Variants in CCDC30 observed in about 807,000 individuals in gnomAD.
CCDC30 encodes the protein coiled-coil domain-containing protein 30.
In CCDC30, 70 loss-of-function variants were observed where a neutral mutation model predicts 100.2. That is an observed-to-expected ratio of 0.70 (90% CI 0.58 to 0.85). CCDC30 has a LOEUF of 0.85. CCDC30 is among the 40% of genes least tolerant of loss of function. The probability of loss-of-function intolerance (pLI) is 0.00; values close to 1 mark genes in which losing one functional copy is unlikely to be tolerated. For missense variants in CCDC30, 652 were observed against 771.2 expected, an observed-to-expected ratio of 0.85 and a Z score of 1.83; for synonymous variants, 233 against 269.5, an observed-to-expected ratio of 0.86 and a Z score of 1.33.
chr1:42,629,520 T>G (rs1646994019), intron 11 of CCDC30, among the ~76,000 whole-genome samples: 1 of 152,242 alleles, frequency 6.6e-6, no homozygotes, highest in Non-Finnish European at 1.5e-5. Context: ...TAAATCTTCT[T>G]GTTGTTCTAT....
intron 16 of CCDC30, 92 bp from the exon 21 acceptor site, chr1:42,653,726 T>C (rs1183335286): frequency 3.3e-6 from 3 of 915,056 alleles, no homozygotes; most frequent in East Asian, 2.5e-5. Flanking sequence ...TTGCAAAAAA[T>C]TGAAATTCTA....
intron 10 of CCDC30, chr1:42,590,074 A>T (rs1646154801): frequency 6.6e-6 from 1 of 152,098 alleles, no homozygotes; most frequent in African/African-American, 2.4e-5. Context: ...ACGATAATGA[A>T]TTATTGCGAG....
intron 10 of CCDC30, chr1:42,592,078 T>C (rs1361742356): frequency 6.6e-6 from 1 of 152,228 alleles, no homozygotes; most frequent in Non-Finnish European, 1.5e-5. Context: ...TGACTTATTT[T>C]GATTTTTACA....
At chr1:42,481,911 T>C (rs1643964788) in intron 2 of CCDC30, among the ~76,000 whole-genome samples, 1 of 152,120 alleles carries the variant, frequency 6.6e-6, no homozygotes, top group African/African-American at 2.4e-5. Flanking sequence ...TGGAACACAG[T>C]ACAGCCTTTA....
intron 7 of CCDC30, among the ~76,000 whole-genome samples, chr1:42,569,950 G>A (rs949401704): frequency 3.3e-5 from 5 of 152,034 alleles, no homozygotes; most frequent in Non-Finnish European, 5.9e-5. Context: ...CACAGGGAGC[G>A]GAACATTACA....
At chr1:42,641,787 A>G (rs1247885940) in intron 12 of CCDC30, among the ~76,000 whole-genome samples, 2 of 152,064 alleles carry the variant, frequency 1.3e-5, no homozygotes, top group African/African-American at 4.8e-5. Flanking sequence ...CCTGAGAGGC[A>G]GAGGTTGTAG....
intron 3 of CCDC30, among the ~76,000 whole-genome samples, chr1:42,485,659 G>A (rs10890198): frequency 0.38 from 57,545 of 150,668 alleles, 11,344 homozygotes; most frequent in East Asian, 0.59. Flanking sequence ...AAAGAAAAAA[G>A]ATGGGCAAAG....
intron 10 of CCDC30, chr1:42,595,272 C>A (rs537610529): frequency 6.6e-6 from 1 of 152,202 alleles, no homozygotes; most frequent in African/African-American, 2.4e-5. Context: ...CCAGGCCAGG[C>A]GTGGTGGCTC....
At chr1:42,637,432 T>C in intron 12 of CCDC30, 54 bp downstream of exon 16, 2 of 1,537,842 alleles carry the variant, frequency 1.3e-6, no homozygotes, top group Non-Finnish European at 1.8e-6. Context: ...TGGTCAGCCA[T>C]TTGGAGAAAG....
chr1:42,569,236 C>T (rs547894309), intron 7 of CCDC30: 4 of 151,974 alleles, frequency 2.6e-5, no homozygotes, highest in Non-Finnish European at 5.9e-5. Context: ...GTCCATCTGG[C>T]AAAGGGCTAA....
chr1:42,457,239 C>T, the CCDC30 span: 1 of 1,614,034 alleles, frequency 6.2e-7, no homozygotes. Context: ...TTGTGTTTCT[C>T]TTTGCAGGCC....
At chr1:42,456,323 A>T in the CCDC30 span, 14 of 600,236 alleles carry the variant, frequency 2.3e-5, no homozygotes, top group Admixed American at 6.2e-5. Context: ...AACGAACGTG[A>T]GGGAACGTGA....
intron 11 of CCDC30, among the ~76,000 whole-genome samples, chr1:42,615,581 G>GTGTGAGCC (rs1646711546): frequency 6.6e-6 from 1 of 152,010 alleles, no homozygotes; most frequent in African/African-American, 2.4e-5. Flanking sequence ...GGGATTAAAG[G>GTGTGAGCC]TGTGAGCCAC....
intron 11 of CCDC30, among the ~76,000 whole-genome samples, chr1:42,626,929 A>G (rs1238702444): frequency 6.6e-6 from 1 of 152,156 alleles, no homozygotes; most frequent in African/African-American, 2.4e-5. Context: ...TAATACAGTA[A>G]ATTGGTACCA....
At chr1:42,584,936 T>G (rs1646039933) in intron 9 of CCDC30, among the ~76,000 whole-genome samples, 1 of 152,052 alleles carries the variant, frequency 6.6e-6, no homozygotes, top group Non-Finnish European at 1.5e-5. Context: ...TCTCCTTCAA[T>G]TTTTTTTGGA....
exon 8 of CCDC30, chr1:42,577,039 A>T: frequency 6.2e-7 from 1 of 1,613,304 alleles, no homozygotes; most frequent in South Asian, 1.1e-5. Flanking sequence ...GAACTAAAGC[A>T]TGCCCAACAG....
At chr1:42,626,672 TG>T (rs1018649076) in intron 11 of CCDC30, among the ~76,000 whole-genome samples, 32 of 152,122 alleles carry the variant, frequency 2.1e-4, no homozygotes, top group African/African-American at 7.0e-4. Context: ...AATTGAATCA[TG>T]GGGGCCAGTC....
At chr1:42,484,686 C>T (rs1446124404) in intron 3 of CCDC30, among the ~76,000 whole-genome samples, 1 of 151,344 alleles carries the variant, frequency 6.6e-6, no homozygotes, top group Non-Finnish European at 1.5e-5. Context: ...TGTTATATGA[C>T]AGTGTTTCCC....
At chr1:42,527,851 T>TTTTC (rs1344137961) in intron 6 of CCDC30, among the ~76,000 whole-genome samples, 4 of 152,058 alleles carry the variant, frequency 2.6e-5, no homozygotes, top group Middle Eastern at 6.8e-3. Context: ...TTTTTTTTCT[T>TTTTC]TTTCTTTCTT....
Sources: gnomAD v4.1 joint callset for allele counts (sites outside exome capture counted in the v4.1 genomes callset) on GRCh38, gnomAD v4.1.1 for gene constraint, MANE v1.5 for transcripts, NCBI Gene and HGNC (gene_info 2026-07-23, HGNC 2026-07-21) for gene names.